PTPRK: variants seen among roughly 807,000 people sequenced by gnomAD.
PTPRK encodes receptor-type tyrosine-protein phosphatase kappa.
In PTPRK, 75 loss-of-function variants were observed where a neutral mutation model predicts 178.0. The ratio of observed to expected loss-of-function variants is 0.42; its 90% CI spans 0.35 to 0.51. The LOEUF (loss-of-function observed/expected upper bound fraction) is 0.51. Among genes scored for constraint, PTPRK ranks in the 20% least tolerant of loss-of-function variants. PTPRK has a pLI of 0.02. For synonymous variants in PTPRK, 637 were observed against 620.6 expected (o/e 1.03, Z -0.39); for missense variants, 1,441 against 1,797.8 (o/e 0.80, Z 3.59).
chr6:128,390,421 G>A (rs187301690), intron 2 of PTPRK, among the ~76,000 whole-genome samples: 83 of 152,266 alleles, frequency 5.5e-4, no homozygotes, highest in Admixed American at 2.1e-3. Context: ...ACAACAGTGA[G>A]TCTCAGATTC....
At chr6:128,151,488 T>C (rs945374541) in intron 7 of PTPRK, among the ~76,000 whole-genome samples, 1 of 151,818 alleles carries the variant, frequency 6.6e-6, no homozygotes, top group African/African-American at 2.4e-5. Context: ...TAGTTAAACA[T>C]ACAACTGTAA....
intron 1 of PTPRK, among the ~76,000 whole-genome samples, chr6:128,503,334 A>G (rs1855839035): frequency 6.6e-6 from 1 of 152,214 alleles, no homozygotes; most frequent in Non-Finnish European, 1.5e-5. Context: ...GTGCCCATTC[A>G]TAAGGATTTT....
intron 3 of PTPRK, among the ~76,000 whole-genome samples, chr6:128,297,973 T>C (rs1424237425): frequency 1.3e-5 from 2 of 151,936 alleles, no homozygotes; most frequent in South Asian, 2.1e-4. Context: ...ATTGATAGAC[T>C]GCTAGCAAGA....
chr6:128,439,286 A>T (rs1846002146), intron 1 of PTPRK, among the ~76,000 whole-genome samples: 3 of 152,176 alleles, frequency 2.0e-5, no homozygotes, highest in Admixed American at 2.0e-4. Context: ...TAACACCTGT[A>T]TCCAAAAAGA....
chr6:128,031,532 TCA>T (rs1202366860), intron 13 of PTPRK, among the ~76,000 whole-genome samples: 3 of 152,338 alleles, frequency 2.0e-5, no homozygotes, highest in African/African-American at 7.2e-5. Context: ...ATAAAATTTC[TCA>T]GTGTTTCATG....
chr6:128,257,933 C>G (rs1304804443), intron 3 of PTPRK, among the ~76,000 whole-genome samples: 1 of 152,184 alleles, frequency 6.6e-6, no homozygotes, highest in Non-Finnish European at 1.5e-5. Flanking sequence ...AGTTCCAGTT[C>G]TCAAAAATAT....
Position 128,422,484 on chromosome 6 carries a change from G to A in PTPRK, c.101-24796C>T, listed in dbSNP as rs561934698. Among the ~76,000 whole-genome samples, 72 of 152,106 alleles carry A rather than the reference G, an allele frequency of 4.7e-4. No individual in the cohort carries two copies. The South Asian group carries it at 0.014, about 30-fold the overall frequency. On this transcript the variant is annotated intron_variant, in intron 1 of 29. Coordinates refer to ENST00000368226, the MANE Select transcript of PTPRK (RefSeq NM_002844.4). ...ATTCCTGAGCTCTCCATGGCTTCTT[G>A]TTTATTATTCACTTCATCTTTGGAC...
intron 6 of PTPRK, among the ~76,000 whole-genome samples, chr6:128,213,733 C>T (rs971448620): frequency 8.6e-5 from 13 of 152,038 alleles, no homozygotes; most frequent in African/African-American, 2.7e-4. Context: ...CTAGCAAAAC[C>T]TTGCTTCTTA....
At chr6:128,460,966 T>A (rs1848981162) in intron 1 of PTPRK, among the ~76,000 whole-genome samples, 1 of 152,124 alleles carries the variant, frequency 6.6e-6, no homozygotes, top group African/African-American at 2.4e-5. Context: ...AAAAATAATA[T>A]TAACCTAAGA....
intron 1 of PTPRK, among the ~76,000 whole-genome samples, chr6:128,427,621 A>G (rs1030522796): frequency 5.3e-5 from 8 of 152,232 alleles, no homozygotes; most frequent in Non-Finnish European, 1.0e-4. Context: ...TAATCCATTC[A>G]TTAAATACAT....
chr6:128,003,162 T>C (rs1411171803), intron 15 of PTPRK: 2 of 1,574,392 alleles, frequency 1.3e-6, no homozygotes, highest in African/African-American at 1.4e-5. Flanking sequence ...GTGTGATCCA[T>C]GCAATGAAAA....
chr6:128,339,562 C>T (rs1831390029), intron 2 of PTPRK, among the ~76,000 whole-genome samples: 1 of 152,108 alleles, frequency 6.6e-6, no homozygotes, highest in African/African-American at 2.4e-5. Flanking sequence ...GCTGCTACAA[C>T]ACACATATGT....
chr6:128,328,433 G>C (rs1422760910), intron 2 of PTPRK, among the ~76,000 whole-genome samples: 4 of 152,178 alleles, frequency 2.6e-5, no homozygotes, highest in African/African-American at 9.7e-5. Context: ...ATGAACAATT[G>C]AGGCAGCACT....
At chr6:127,973,885 T>C in intron 27 of PTPRK, 58 bp from the exon 28 acceptor site, 1 of 1,519,418 alleles carries the variant, frequency 6.6e-7, no homozygotes, top group Non-Finnish European at 9.0e-7. Flanking sequence ...TACTAAAAAG[T>C]AAAAGGTGCA....
At chr6:128,148,272 T>C (rs573333429) in intron 7 of PTPRK, among the ~76,000 whole-genome samples, 1 of 152,242 alleles carries the variant, frequency 6.6e-6, no homozygotes, top group Non-Finnish European at 1.5e-5. Context: ...CTTAAGTAGG[T>C]AGATGCTGCC....
Position 128,276,950 on chromosome 6 carries a change from T to G in PTPRK, c.496-34348A>C, listed in dbSNP as rs976808728. On this transcript the variant is annotated intron_variant, in intron 3 of 29. Coordinates refer to ENST00000368226, the MANE Select transcript of PTPRK (RefSeq NM_002844.4). ...CTTCCAAAAATTGAGGATTTGATCT[T>G]TAAAAAGACTTGACCATGTCCCAAA... is the stretch of plus-strand genomic sequence containing the variant. 3.9e-5 allele frequency among the ~76,000 whole-genome samples: 6 copies of G among 152,248 alleles called. No individual in the cohort carries two copies. In the South Asian group the frequency reaches 6.2e-4, roughly 16 times the overall value.
chr6:128,276,110 T>C (rs1170628557), intron 3 of PTPRK, among the ~76,000 whole-genome samples: 2 of 152,078 alleles, frequency 1.3e-5, no homozygotes, highest in Non-Finnish European at 2.9e-5. Flanking sequence ...CATGTTAAAA[T>C]AGGATGTCTT....
Position 128,064,814 on chromosome 6 carries a change from A to T in PTPRK, c.2158-20T>A. On this transcript the variant is annotated intron_variant, in intron 12 of 29. Transcript: ENST00000368226. ...AGTTTCCTGATAGAGTAAAAATGAA[A>T]AAAAAAAGAGTCAATGTACAGATAA... 6.3e-7 allele frequency: 1 copy of T among 1,576,638 alleles called. No individual in the cohort carries two copies. Among genetic ancestry groups the T allele is most frequent in the Non-Finnish European group, 8.5e-7 (1 of 1,170,126 alleles).
chr6:128,064,295 A>G (rs550255397), intron 13 of PTPRK, among the ~76,000 whole-genome samples: 1 of 152,312 alleles, frequency 6.6e-6, no homozygotes. Flanking sequence ...AAAAAAGTAA[A>G]TGATCTTCAA....
Sources: allele counts gnomAD v4.1 joint callset (sites outside exome capture counted in the v4.1 genomes callset), GRCh38; gene constraint gnomAD v4.1.1; transcripts MANE v1.5; gene names NCBI Gene and HGNC (gene_info 2026-07-23, HGNC 2026-07-21).